Variants in ZFPM2 observed in about 807,000 individuals in gnomAD.
The protein encoded by ZFPM2 is zinc finger protein ZFPM2.
In ZFPM2, 20 loss-of-function variants were observed where a neutral mutation model predicts 98.6. The ratio of observed to expected loss-of-function variants is 0.20; its 90% CI spans 0.14 to 0.29. The LOEUF (loss-of-function observed/expected upper bound fraction) is 0.29, where lower values mean the gene tolerates loss of function less well. Ranked by LOEUF, ZFPM2 falls within the 10% of genes least tolerant of loss-of-function variation. The pLI, the probability that ZFPM2 is intolerant of heterozygous loss-of-function variation, is 1.00. For synonymous variants in ZFPM2, 518 were observed against 502.7 expected, an observed-to-expected ratio of 1.03 and a Z score of -0.41; for missense variants, 1,310 against 1,388.6, an observed-to-expected ratio of 0.94 and a Z score of 0.90.
chr8:105,364,335 TAAAA>T (rs561420822), intron 1 of ZFPM2, among the ~76,000 whole-genome samples: 1 of 151,958 alleles, frequency 6.6e-6, no homozygotes. Flanking sequence ...ATAGGGCAAT[TAAAA>T]AAATAATTCA....
At chr8:105,506,281 T>C (rs1316527175) in intron 3 of ZFPM2, among the ~76,000 whole-genome samples, 2 of 152,182 alleles carry the variant, frequency 1.3e-5, no homozygotes, top group African/African-American at 4.8e-5. Flanking sequence ...GACATATTCA[T>C]AAATGTTTTG....
chr8:105,612,302 T>TA (rs1454908794), intron 4 of ZFPM2, among the ~76,000 whole-genome samples: 10 of 152,138 alleles, frequency 6.6e-5, no homozygotes, highest in Non-Finnish European at 2.9e-5. Flanking sequence ...GATTTGCTAT[T>TA]ACGCATTATA....
At chr8:105,585,116 T>C (rs1815684775) in intron 4 of ZFPM2, among the ~76,000 whole-genome samples, 1 of 152,170 alleles carries the variant, frequency 6.6e-6, no homozygotes, top group Non-Finnish European at 1.5e-5. Context: ...TTATCAGTTA[T>C]TTAATATTCA....
intron 5 of ZFPM2, among the ~76,000 whole-genome samples, chr8:105,667,318 G>A (rs1359113251): frequency 6.6e-6 from 1 of 152,058 alleles, no homozygotes; most frequent in East Asian, 1.9e-4. Flanking sequence ...GTGATCTTTT[G>A]GTAGTATATG....
At chr8:105,363,280 G>T (rs991738180) in intron 1 of ZFPM2, among the ~76,000 whole-genome samples, 10 of 152,030 alleles carry the variant, frequency 6.6e-5, no homozygotes, top group African/African-American at 2.2e-4. Flanking sequence ...ATATTTAATA[G>T]AAAACATTTT....
chr8:105,672,632 ATTATTG>A (rs1439391672), intron 5 of ZFPM2, among the ~76,000 whole-genome samples: 4 of 152,146 alleles, frequency 2.6e-5, no homozygotes, highest in Non-Finnish European at 5.9e-5. Flanking sequence ...TGACTTTACA[ATTATTG>A]TTGTTGTTTC....
chr8:105,653,443 A>G (rs889922352), intron 5 of ZFPM2, among the ~76,000 whole-genome samples: 2 of 152,228 alleles, frequency 1.3e-5, no homozygotes, highest in African/African-American at 4.8e-5. Flanking sequence ...CCATATCTAA[A>G]TTATTCCGCC....
At position 105,801,555 on chromosome 8, in the gene ZFPM2, T is replaced by C; in HGVS notation, c.1473T>C (p.Ser491=). The C allele has an allele frequency of 1.9e-6, 3 of 1,613,936 alleles. No homozygotes were observed. Among genetic ancestry groups the C allele is most frequent in the Non-Finnish European group, 2.5e-6 (3 of 1,179,870 alleles). ...SSPVQPNIGP[S]FPVGPFLSQF... is the part of the protein sequence containing the mutation. ...CAGTTCAGCCTAATATTGGGCCTTC[T>C]TTCCCTGTGGGCCCTTTCCTATCTC... Residue 491 remains serine (S), a synonymous_variant, in exon 8 of 8, where the codon TCT becomes TCC. Transcript: ENST00000407775.
At chr8:105,764,287 GACAC>G (rs59943408) in intron 5 of ZFPM2, among the ~76,000 whole-genome samples, 4,818 of 139,526 alleles carry the variant, frequency 0.035, 191 homozygotes, top group African/African-American at 0.092. Flanking sequence ...CTCTCTCTCT[GACAC>G]ACACACACAC....
chr8:105,396,933 A>T (rs1169741902), intron 1 of ZFPM2, among the ~76,000 whole-genome samples: 1 of 152,222 alleles, frequency 6.6e-6, no homozygotes, highest in Non-Finnish European at 1.5e-5. Context: ...GTAACATTAT[A>T]ACCTGGTAAT....
chr8:105,475,101 GT>G (rs1812985807), intron 3 of ZFPM2, among the ~76,000 whole-genome samples: 1 of 152,192 alleles, frequency 6.6e-6, no homozygotes, highest in African/African-American at 2.4e-5. Context: ...AATAAAGAGA[GT>G]TTACAGTTGG....
intron 3 of ZFPM2, among the ~76,000 whole-genome samples, chr8:105,540,179 G>T (rs1814546035): frequency 6.6e-6 from 1 of 151,888 alleles, no homozygotes; most frequent in South Asian, 2.1e-4. Context: ...ATTCTTACAT[G>T]ATAACAATTC....
intron 5 of ZFPM2, among the ~76,000 whole-genome samples, chr8:105,665,763 A>G (rs1204263744): frequency 2.6e-5 from 4 of 152,194 alleles, no homozygotes; most frequent in African/African-American, 9.6e-5. Flanking sequence ...AACTTCTGTT[A>G]CTTCATTTCC....
intron 4 of ZFPM2, among the ~76,000 whole-genome samples, chr8:105,601,373 C>T (rs1318527747): frequency 6.6e-6 from 1 of 152,088 alleles, no homozygotes; most frequent in African/African-American, 2.4e-5. Flanking sequence ...AATTCATCAC[C>T]TGTTCCCTGG....
intron 5 of ZFPM2, among the ~76,000 whole-genome samples, chr8:105,768,669 T>C (rs1812912086): frequency 6.6e-6 from 1 of 152,026 alleles, no homozygotes; most frequent in Admixed American, 6.6e-5. Context: ...AATCTCTATA[T>C]ATGTGGATGA....
chr8:105,431,048 C>T (rs766255217), intron 2 of ZFPM2, among the ~76,000 whole-genome samples: 12 of 151,920 alleles, frequency 7.9e-5, no homozygotes, highest in African/African-American at 2.9e-4. Context: ...GGACTACAGG[C>T]GCCCCCCACC....
At chr8:105,433,648 G>A (rs1257130540) in intron 2 of ZFPM2, among the ~76,000 whole-genome samples, 10 of 152,084 alleles carry the variant, frequency 6.6e-5, no homozygotes, top group South Asian at 4.1e-4. Context: ...TTAGCTGGGC[G>A]TGGTGGCGGG....
At chr8:105,350,308 C>A (rs1486215804) in intron 1 of ZFPM2, among the ~76,000 whole-genome samples, 1 of 152,162 alleles carries the variant, frequency 6.6e-6, no homozygotes, top group Admixed American at 6.5e-5. Context: ...ATTTCCTTGG[C>A]CGTAGGTGGG....
chr8:105,692,946 G>A (rs1810922632), intron 5 of ZFPM2, among the ~76,000 whole-genome samples: 2 of 152,200 alleles, frequency 1.3e-5, no homozygotes, highest in Admixed American at 1.3e-4. Context: ...TTTAAATGAT[G>A]TTTCCAGAGA....
Sources: gnomAD v4.1 joint callset for allele counts (sites outside exome capture counted in the v4.1 genomes callset) on GRCh38, gnomAD v4.1.1 for gene constraint, MANE v1.5 for transcripts, NCBI Gene and HGNC (gene_info 2026-07-23, HGNC 2026-07-21) for gene names.